ANKRD36C: variants seen among roughly 807,000 people sequenced by gnomAD.
ANKRD36C encodes ankyrin repeat domain 36C.
A neutral mutation model predicts 276.4 loss-of-function variants in ANKRD36C; 61 were observed. The observed-to-expected ratio is 0.22, with a 90% confidence interval of 0.18 to 0.27. ANKRD36C has a LOEUF of 0.27. Among genes scored for constraint, ANKRD36C ranks in the 10% least tolerant of loss-of-function variants. The probability of loss-of-function intolerance (pLI) is 1.00; values close to 1 mark genes in which losing one functional copy is unlikely to be tolerated. For synonymous variants in ANKRD36C, 483 were observed against 680.1 expected (o/e 0.71, Z 4.51); for missense variants, 1,447 against 2,032.3 (o/e 0.71, Z 5.54).
intron 60 of ANKRD36C, among the ~76,000 whole-genome samples, chr2:95,867,016 T>A (rs1675695775): frequency 6.6e-6 from 1 of 152,154 alleles, no homozygotes; most frequent in Admixed American, 6.5e-5. Context: ...GCAGCTGGGT[T>A]TTCAGCAAGC....
At chr2:95,859,177 G>A (rs1226921662) in intron 61 of ANKRD36C, among the ~76,000 whole-genome samples, 3 of 151,862 alleles carry the variant, frequency 2.0e-5, no homozygotes, top group Non-Finnish European at 4.4e-5. Flanking sequence ...GGGATTACAG[G>A]TGCAACCACC....
downstream of ANKRD36C, among the ~76,000 whole-genome samples, chr2:95,850,759 T>A (rs1209100653): frequency 2.0e-5 from 3 of 152,258 alleles, no homozygotes; most frequent in African/African-American, 4.8e-5. Context: ...GCTTGTGACC[T>A]GTAATTGCTT....
rs1208788372 is a variant in ANKRD36C at position 95,889,745 on chromosome 2, G to A, written c.2959+54C>T. 3.9e-6 allele frequency: 6 copies of A among 1,536,282 alleles called. No individual in the cohort carries two copies. In the African/African-American group the frequency reaches 6.9e-5, roughly 18 times the overall value. On this transcript the variant is annotated intron_variant, in intron 48 of 66. Coordinates refer to ENST00000456556, the Ensembl canonical transcript of ANKRD36C. The stretch of plus-strand genomic sequence containing the variant: ...CCCCCGCTGCTTTATTTGGTGAAGA[G>A]AAGATCTCTTCTATCTTGAACGAAC...
chr2:95,932,931 C>G (rs60106968), intron 24 of ANKRD36C, among the ~76,000 whole-genome samples: 5,029 of 108,402 alleles, frequency 0.046, no homozygotes, highest in East Asian at 0.14. Context: ...ACGTTTAAGT[C>G]TTTAATTTAT....
chr2:95,919,772 T>C, intron 34 of ANKRD36C: 1 of 1,393,698 alleles, frequency 7.2e-7, no homozygotes. Flanking sequence ...TCTGTGGCTA[T>C]ATTCAAAACA....
At chr2:95,915,763 C>T (rs1324438792) in intron 38 of ANKRD36C, among the ~76,000 whole-genome samples, 1 of 151,502 alleles carries the variant, frequency 6.6e-6, no homozygotes, top group Non-Finnish European at 1.5e-5. Flanking sequence ...CATATTTCTT[C>T]CTCCCAATTG....
At chr2:95,936,453 T>A (rs959195309) in intron 22 of ANKRD36C, among the ~76,000 whole-genome samples, 10 of 152,286 alleles carry the variant, frequency 6.6e-5, no homozygotes, top group African/African-American at 2.2e-4. Flanking sequence ...TTTGCTAACA[T>A]GAAGCACCTG....
exon 47 of ANKRD36C, chr2:95,889,991 G>C (rs779419243): frequency 6.2e-7 from 1 of 1,609,336 alleles, no homozygotes. Context: ...TTTATGAGAA[G>C]ACACTGAAAA....
intron 32 of ANKRD36C, among the ~76,000 whole-genome samples, chr2:95,923,094 T>C (rs1677314835): frequency 6.6e-6 from 1 of 151,638 alleles, no homozygotes; most frequent in African/African-American, 2.4e-5. Flanking sequence ...CGTTCTACAA[T>C]TTTTACTGGT....
chr2:95,927,466 T>A, intron 26 of ANKRD36C, 57 bp from the exon 27 acceptor site: 5 of 1,601,596 alleles, frequency 3.1e-6, no homozygotes, highest in Non-Finnish European at 4.3e-6. Context: ...AATTTATCCA[T>A]ACATTCATGA....
intron 20 of ANKRD36C, among the ~76,000 whole-genome samples, chr2:95,939,901 A>G (rs1364499971): frequency 6.6e-6 from 1 of 151,262 alleles, no homozygotes; most frequent in East Asian, 1.9e-4. Flanking sequence ...TCATTCACTT[A>G]TGCAAAAAAA....
intron 58 of ANKRD36C, among the ~76,000 whole-genome samples, chr2:95,878,954 C>G (rs193179414): frequency 6.6e-6 from 1 of 152,230 alleles, no homozygotes; most frequent in African/African-American, 2.4e-5. Flanking sequence ...AATCCCATTG[C>G]TAGGTAACTA....
chr2:95,853,841 T>G (rs958163375), exon 64 of ANKRD36C: 6 of 1,608,720 alleles, frequency 3.7e-6, no homozygotes, highest in Admixed American at 1.7e-5. Flanking sequence ...CTTGTTTTTG[T>G]TGAAGCTGTC....
intron 14 of ANKRD36C, among the ~76,000 whole-genome samples, 178 bp downstream of exon 14, chr2:95,953,761 C>T (rs2104490537): frequency 6.6e-6 from 1 of 151,574 alleles, no homozygotes; most frequent in Non-Finnish European, 1.5e-5. Flanking sequence ...TTCTTATTTG[C>T]CAAAGTAAAA....
intron 36 of ANKRD36C, among the ~76,000 whole-genome samples, chr2:95,916,534 C>A (rs1677102413): frequency 6.6e-6 from 1 of 151,636 alleles, no homozygotes. Context: ...CTACGTGATC[C>A]CACATGTCTT....
At chr2:95,852,274 G>C in intron 64 of ANKRD36C, 78 bp from the exon 85 acceptor site, 1 of 926,862 alleles carries the variant, frequency 1.1e-6, no homozygotes. Flanking sequence ...TCAACAAAAT[G>C]TATATAAAAT....
intron 42 of ANKRD36C, among the ~76,000 whole-genome samples, chr2:95,902,608 G>C (rs1379119880): frequency 6.7e-6 from 1 of 150,078 alleles, no homozygotes; most frequent in African/African-American, 2.4e-5. Context: ...GAGAATTAAA[G>C]CAAAATTATG....
chr2:95,951,202 G>A (rs1678185333), intron 15 of ANKRD36C, 146 bp downstream of exon 15: 1 of 699,286 alleles, frequency 1.4e-6, no homozygotes, highest in South Asian at 1.7e-5. Flanking sequence ...GAACCCAGGA[G>A]ATGGAAACTG....
intron 6 of ANKRD36C, among the ~76,000 whole-genome samples, chr2:95,977,615 T>C (rs1678839622): frequency 1.3e-5 from 2 of 152,078 alleles, no homozygotes; most frequent in Admixed American, 1.3e-4. Flanking sequence ...TTCCTTTCTC[T>C]AGCTTACTTT....
Sources: allele counts gnomAD v4.1 joint callset (sites outside exome capture counted in the v4.1 genomes callset), GRCh38; gene constraint gnomAD v4.1.1; transcripts MANE v1.5; gene names NCBI Gene and HGNC (gene_info 2026-07-23, HGNC 2026-07-21).